IL1RAPL1: variants seen among roughly 807,000 people sequenced by gnomAD.
IL1RAPL1 encodes the protein interleukin 1 receptor accessory protein like 1, also known as interleukin-1 receptor accessory protein-like 1.
A neutral mutation model predicts 48.4 loss-of-function variants in IL1RAPL1; 3 were observed. The observed-to-expected ratio is 0.06, with a 90% CI of 0.03 to 0.16. The LOEUF (loss-of-function observed/expected upper bound fraction) is 0.16, where lower values mean the gene tolerates loss of function less well. Among genes scored for constraint, IL1RAPL1 ranks in the 10% least tolerant of loss-of-function variants. The probability of loss-of-function intolerance (pLI) is 1.00; values close to 1 mark genes in which losing one functional copy is unlikely to be tolerated. For missense variants in IL1RAPL1, 349 were observed against 530.6 expected (o/e 0.66, Z 3.36); for synonymous variants, 185 against 187.7 (o/e 0.99, Z 0.12).
chrX:28,976,587 C>A (rs1205073330), intron 2 of IL1RAPL1, among the ~76,000 whole-genome samples: 5 of 111,210 alleles, frequency 4.5e-5, no homozygotes, highest in Non-Finnish European at 9.4e-5. Flanking sequence ...TCCAAATAGG[C>A]AGTTTGTCAT....
chrX:29,684,055 A>C (rs749007249), intron 6 of IL1RAPL1, among the ~76,000 whole-genome samples: 1 of 112,271 alleles, frequency 8.9e-6, no homozygotes, highest in Non-Finnish European at 1.9e-5. Context: ...TGGATACCCT[A>C]TTCTCCATGA....
intron 3 of IL1RAPL1, among the ~76,000 whole-genome samples, chrX:29,300,792 G>A (rs930091111): frequency 8.9e-6 from 1 of 112,085 alleles, no homozygotes; most frequent in African/African-American, 3.2e-5. Flanking sequence ...GTGGATGTCT[G>A]TTCAAAGGCT....
At chrX:29,154,060 A>G (rs954635553) in intron 2 of IL1RAPL1, among the ~76,000 whole-genome samples, 1 of 111,769 alleles carries the variant, frequency 8.9e-6, no homozygotes, top group African/African-American at 3.3e-5. Flanking sequence ...AGTGACATCT[A>G]TTAGAGAAGG....
chrX:29,731,166 A>G (rs879103054), intron 6 of IL1RAPL1, among the ~76,000 whole-genome samples: 2 of 111,795 alleles, frequency 1.8e-5, no homozygotes, highest in Admixed American at 1.9e-4. Context: ...AAATTGGCAC[A>G]CCTTTTTGGC....
chrX:29,058,102 G>A (rs747647343), intron 2 of IL1RAPL1, among the ~76,000 whole-genome samples: 2 of 111,116 alleles, frequency 1.8e-5, no homozygotes, highest in South Asian at 3.8e-4. Flanking sequence ...GAGGCCGGGC[G>A]CAGTGGCTCA....
chrX:28,619,838 T>A (rs768655679), intron 1 of IL1RAPL1, among the ~76,000 whole-genome samples: 3 of 111,438 alleles, frequency 2.7e-5, no homozygotes, highest in Non-Finnish European at 5.6e-5. Context: ...CAAGTTAACT[T>A]ACATTGCATT....
intron 2 of IL1RAPL1, among the ~76,000 whole-genome samples, chrX:28,923,328 C>A (rs949874493): frequency 5.4e-5 from 6 of 110,546 alleles, no homozygotes; most frequent in Non-Finnish European, 9.4e-5. Flanking sequence ...AGGCAAGCAC[C>A]ACCACACCCA....
At chrX:29,571,333 A>G (rs1922592326) in intron 5 of IL1RAPL1, among the ~76,000 whole-genome samples, 1 of 111,811 alleles carries the variant, frequency 8.9e-6, no homozygotes, top group African/African-American at 3.3e-5. Context: ...AAATGGAAAG[A>G]TTATACTTTA....
In IL1RAPL1 at chrX:29,511,344, T is replaced by A. The variant is rs188956681; in HGVS notation, c.703+112036T>A. 2.8e-3 allele frequency among the ~76,000 whole-genome samples: 315 copies of A among 112,101 alleles called. 2 individuals are homozygous for A. Among genetic ancestry groups the A allele is most frequent in the Non-Finnish European group, 4.2e-3 (221 of 53,180 alleles). The stretch of plus-strand genomic sequence containing the variant: ...CTCTGTATAAACCCTGGTTTGCGTA[T>A]GTGCCTCAGAGCAAATGCACAGGTA... On this transcript the variant is annotated intron_variant, in intron 5 of 10. Coordinates refer to ENST00000378993, the MANE Select transcript of IL1RAPL1 (RefSeq NM_014271.4).
chrX:28,990,336 A>G (rs1925573201), intron 2 of IL1RAPL1, among the ~76,000 whole-genome samples: 1 of 112,137 alleles, frequency 8.9e-6, no homozygotes, highest in South Asian at 3.7e-4. Flanking sequence ...CTTGTATTAC[A>G]TCTCAGAAGT....
At chrX:29,599,256 A>G (rs371373498) in intron 5 of IL1RAPL1, among the ~76,000 whole-genome samples, 1 of 112,185 alleles carries the variant, frequency 8.9e-6, no homozygotes, top group Non-Finnish European at 1.9e-5. Flanking sequence ...TCTGGAAAAC[A>G]CTATCTTTCC....
At chrX:29,596,624 C>CT (rs1213821753) in intron 5 of IL1RAPL1, among the ~76,000 whole-genome samples, 1 of 111,768 alleles carries the variant, frequency 8.9e-6, no homozygotes, top group East Asian at 2.8e-4. Context: ...ATTCTAGGAG[C>CT]TTTTTGGATG....
chrX:29,163,561 C>G (rs1374005316), intron 2 of IL1RAPL1, among the ~76,000 whole-genome samples: 1 of 111,119 alleles, frequency 9.0e-6, no homozygotes, highest in Non-Finnish European at 1.9e-5. Flanking sequence ...AGACTGGAGG[C>G]AGAGAGATAA....
intron 6 of IL1RAPL1, among the ~76,000 whole-genome samples, chrX:29,758,494 ACCAGC>A (rs1484481191): frequency 9.0e-6 from 1 of 110,636 alleles, no homozygotes; most frequent in African/African-American, 3.3e-5. Flanking sequence ...GGAATTTGAG[ACCAGC>A]CTGACCAACA....
intron 2 of IL1RAPL1, among the ~76,000 whole-genome samples, chrX:28,795,471 G>A (rs1406369314): frequency 2.7e-5 from 3 of 110,962 alleles, no homozygotes; most frequent in Non-Finnish European, 5.7e-5. Flanking sequence ...TACCAATTGT[G>A]GAAAATGATG....
chrX:29,561,627 CT>C (rs760459869), intron 5 of IL1RAPL1, among the ~76,000 whole-genome samples: 88 of 111,954 alleles, frequency 7.9e-4, no homozygotes, highest in African/African-American at 2.6e-3. Flanking sequence ...AAGAATGTCT[CT>C]CTTGGCACTG....
intron 6 of IL1RAPL1, among the ~76,000 whole-genome samples, chrX:29,860,049 A>C: frequency 8.9e-6 from 1 of 112,030 alleles, no homozygotes; most frequent in African/African-American, 3.2e-5. Flanking sequence ...AAAAACTTTG[A>C]GTTTTTGAAA....
intron 5 of IL1RAPL1, among the ~76,000 whole-genome samples, chrX:29,509,934 T>C (rs948979980): frequency 8.9e-6 from 1 of 111,844 alleles, no homozygotes; most frequent in African/African-American, 3.3e-5. Flanking sequence ...ATGTCAAGAG[T>C]AAACTGTAAA....
rs2294533 is a variant in IL1RAPL1, at chrX:29,398,791, T to C, written c.550-364T>C. On this transcript the variant is annotated intron_variant, in intron 4 of 10. Transcript: ENST00000378993. ...AATAATGAAATGTGAAATATCTGTT[T>C]CCAAAATGATGTCACGGATAGTCTT... 1.1e-3 allele frequency among the ~76,000 whole-genome samples: 126 copies of C among 111,981 alleles called. No homozygotes were observed. The East Asian group carries it at 0.025, about 22-fold the overall frequency.
Sources: gnomAD v4.1 joint callset for allele counts (sites outside exome capture counted in the v4.1 genomes callset) on GRCh38, gnomAD v4.1.1 for gene constraint, MANE v1.5 for transcripts, NCBI Gene and HGNC (gene_info 2026-07-23, HGNC 2026-07-21) for gene names.